The following NHSL2 variants were observed in gnomAD, a reference collection of about 807,000 sequenced individuals.
The protein encoded by NHSL2 is NHS like 2.
In NHSL2, 27 loss-of-function variants were observed where a neutral mutation model predicts 53.4. The observed-to-expected ratio is 0.51, with a 90% CI of 0.37 to 0.70. NHSL2 has a LOEUF of 0.70. NHSL2 is among the 30% of genes least tolerant of loss of function. NHSL2 has a pLI of 0.00. For synonymous variants in NHSL2, 408 were observed against 404.1 expected (o/e 1.01, Z -0.12); for missense variants, 892 against 980.1 (o/e 0.91, Z 1.20).
intron 1 of NHSL2, among the ~76,000 whole-genome samples, chrX:72,021,849 T>C (rs778434649): frequency 2.4e-4 from 27 of 111,793 alleles, no homozygotes; most frequent in Non-Finnish European, 4.7e-4. Flanking sequence ...GCCAAGGCTG[T>C]CATGGTGCCC....
chrX:71,970,882 A>C (rs2041922369), intron 1 of NHSL2, among the ~76,000 whole-genome samples: 1 of 111,088 alleles, frequency 9.0e-6, no homozygotes, highest in Non-Finnish European at 1.9e-5. Flanking sequence ...TCCTGGGCTC[A>C]AGCAATCCTC....
At chrX:71,948,136 G>C (rs970777455) in intron 1 of NHSL2, among the ~76,000 whole-genome samples, 5 of 111,979 alleles carry the variant, frequency 4.5e-5, no homozygotes, top group Non-Finnish European at 9.4e-5. Flanking sequence ...AAAATAACAG[G>C]TGTCAACACA....
At chrX:72,130,576 A>C (rs2042281022) in intron 1 of NHSL2, 1 of 1,208,548 alleles carries the variant, frequency 8.3e-7, no homozygotes, top group African/African-American at 1.8e-5. Flanking sequence ...GATATTTCGA[A>C]CTCCAGGGAG....
chrX:71,940,635 G>A (rs904011117), intron 1 of NHSL2, among the ~76,000 whole-genome samples: 3 of 110,315 alleles, frequency 2.7e-5, no homozygotes, highest in Non-Finnish European at 5.7e-5. Flanking sequence ...GTCATAAGAG[G>A]GAAGGCAGAA....
At chrX:72,125,740 A>T (rs1206949257) in intron 1 of NHSL2, among the ~76,000 whole-genome samples, 2 of 111,959 alleles carry the variant, frequency 1.8e-5, no homozygotes. Context: ...AGTACTGGGG[A>T]GTCCTAGTGC....
chrX:72,139,975 G>A lies in NHSL2; in HGVS notation c.2427G>A (p.Leu809=), dbSNP rs1014195712. The change falls in exon 6 of 8, where the codon CTG becomes CTA. Residue 809 remains leucine, a synonymous_variant. Transcript: ENST00000633930. The stretch of plus-strand genomic sequence containing the variant: ...CAGAGACAAATTTTGGCGTCAAGCT[G>A]GCCCAGAAAACTAATCCCAACCAGC... ...HHSETNFGVK[L]AQKTNPNQPI... The A allele has an allele frequency of 3.3e-6, 4 of 1,210,134 alleles. No individual in the cohort carries two copies. In the South Asian group the frequency reaches 7.1e-5, roughly 21 times the overall value.
intron 1 of NHSL2, among the ~76,000 whole-genome samples, chrX:72,122,552 G>A (rs1234679044): frequency 9.3e-6 from 1 of 107,139 alleles, no homozygotes; most frequent in African/African-American, 3.5e-5. Flanking sequence ...AAAGGAAACT[G>A]GGGCTTAGAA....
rs2042487618 is a variant in NHSL2, at chrX:72,148,941, A to T, written c.*5367A>T. On this transcript the variant is annotated 3_prime_UTR_variant, in exon 8 of 8. Transcript: ENST00000633930. The stretch of plus-strand genomic sequence containing the variant: ...GAATCACTATAGCCACGACTCTCCA[A>T]CTGATTCCAACCTTTACCATTATTC... 1 of 107,874 alleles carries T rather than the reference A, an allele frequency of 9.3e-6. No individual in the cohort carries two copies. The highest frequency in any genetic ancestry group is 1.0e-4 in the Admixed American group (1 of 9,934). The allele number at this position is 107,874 out of a possible 1,213,427, so 8.9% of individuals were successfully genotyped here.
rs2042436930 is a variant in NHSL2 at position 72,143,535 on chromosome X, T to G, written c.3639T>G (p.Phe1213Leu). Residue 1213 changes from phenylalanine to leucine, a missense_variant, in exon 8 of 8, where the codon TTT (phenylalanine) becomes TTG (leucine). Physicochemically the swap from Phe to Leu is conservative, Grantham distance 22. Coordinates refer to ENST00000633930, the MANE Select transcript of NHSL2 (RefSeq NM_001013627.3). Reference protein sequence around the residue: ...NPLARRIIAQFSKDYETTDNP... With the variant: ...NPLARRIIAQLSKDYETTDNP... ...TGGCTCGGAGAATTATTGCACAATT[T>G]TCAAAAGACTATGAAACCACCGATA... 1.7e-6 allele frequency: 2 copies of G among 1,163,728 alleles called. No homozygotes were observed. The highest frequency in any genetic ancestry group is 3.6e-5 in the African/African-American group (2 of 55,446).
chrX:71,941,036 T>C (rs756885104), intron 1 of NHSL2, among the ~76,000 whole-genome samples: 41 of 110,774 alleles, frequency 3.7e-4, no homozygotes, highest in Non-Finnish European at 7.2e-4. Context: ...GGTAAGGGAG[T>C]AGTTAAAATG....
At chrX:72,106,261 CACACACACACACAT>C (rs1382955211) in intron 1 of NHSL2, among the ~76,000 whole-genome samples, 2 of 110,996 alleles carry the variant, frequency 1.8e-5, no homozygotes, top group Admixed American at 1.9e-4. Context: ...TACACACACA[CACACACACACACAT>C]ACACACACAA....
At position 71,999,329 on chromosome X, in the gene NHSL2, T is replaced by C. The variant is rs144547704; in HGVS notation, c.280+87962T>C. 1.6e-3 allele frequency among the ~76,000 whole-genome samples: 183 copies of C among 112,515 alleles called. 1 individual carries two copies. Among genetic ancestry groups the C allele is most frequent in the African/African-American group, 5.4e-3 (168 of 30,890 alleles). ...CCCCTAGAGGGCGCTCAATAAATAT[T>C]TGTGAAATTAATGGGGAAAAAACCG... On this transcript the variant is annotated intron_variant, in intron 1 of 7. Transcript: ENST00000633930.
chrX:72,107,392 G>T (rs1310507107), intron 1 of NHSL2, among the ~76,000 whole-genome samples: 3 of 112,639 alleles, frequency 2.7e-5, no homozygotes, highest in Non-Finnish European at 5.6e-5. Flanking sequence ...ATACTAAGGG[G>T]TTTGGCCCCC....
chrX:72,045,067 C>A (rs2042298097), intron 1 of NHSL2, among the ~76,000 whole-genome samples: 2 of 111,415 alleles, frequency 1.8e-5, no homozygotes, highest in Non-Finnish European at 3.8e-5. Flanking sequence ...CCATCAGGGT[C>A]CAAGCTGACA....
intron 1 of NHSL2, among the ~76,000 whole-genome samples, chrX:71,922,435 C>T (rs1194192409): frequency 8.9e-6 from 1 of 111,923 alleles, no homozygotes; most frequent in Non-Finnish European, 1.9e-5. Flanking sequence ...ATAGTGTGAT[C>T]AGAGAGGGGA....
intron 1 of NHSL2, among the ~76,000 whole-genome samples, chrX:72,018,704 C>T (rs1267704125): frequency 8.9e-6 from 1 of 112,703 alleles, no homozygotes; most frequent in African/African-American, 3.2e-5. Context: ...GCAGCCGGGC[C>T]CCCGCCCGCC....
At chrX:72,036,648 C>T (rs1389159743) in intron 1 of NHSL2, among the ~76,000 whole-genome samples, 2 of 111,405 alleles carry the variant, frequency 1.8e-5, no homozygotes, top group Non-Finnish European at 3.8e-5. Flanking sequence ...TGTCCCACAG[C>T]TCTCTAATGC....
At position 72,152,209 on chromosome X, in the gene NHSL2, C is replaced by T. The variant is rs1260607784; in HGVS notation, c.*8635C>T. 2 of 113,367 alleles carry T rather than the reference C, an allele frequency of 1.8e-5. No individual in the cohort carries two copies. Among genetic ancestry groups the T allele is most frequent in the African/African-American group, 3.2e-5 (1 of 31,123 alleles). 9.3% of individuals were successfully genotyped at this position (113,367 alleles called of 1,213,427 possible). A position where few individuals can be genotyped will look rare whatever the true frequency, so the allele number is the denominator to read the frequency against. ...TAATGCTTCTTGGGAGTCTGAAGCTCAGATTCACATTTTCACATTTTCTCG... is the reference window on the plus strand; with the variant it reads ...TAATGCTTCTTGGGAGTCTGAAGCTTAGATTCACATTTTCACATTTTCTCG... On this transcript the variant is annotated 3_prime_UTR_variant, in exon 8 of 8. Transcript: ENST00000633930.
At chrX:72,037,628 G>A (rs1035279155) in intron 1 of NHSL2, among the ~76,000 whole-genome samples, 1 of 111,585 alleles carries the variant, frequency 9.0e-6, no homozygotes, top group African/African-American at 3.3e-5. Context: ...GGTAGGTGGG[G>A]GTGGAAGATA....
Sources: gnomAD v4.1 joint callset for allele counts (sites outside exome capture counted in the v4.1 genomes callset) on GRCh38, gnomAD v4.1.1 for gene constraint, MANE v1.5 for transcripts, NCBI Gene and HGNC (gene_info 2026-07-23, HGNC 2026-07-21) for gene names.